SUMF1: variants seen among roughly 807,000 people sequenced by gnomAD.
The protein encoded by SUMF1 is formylglycine-generating enzyme.
In SUMF1, 48 loss-of-function variants were observed where a neutral mutation model predicts 47.6. That is an observed-to-expected ratio of 1.01 (90% CI 0.80 to 1.28). The LOEUF (loss-of-function observed/expected upper bound fraction) is 1.28. Ranked by LOEUF, SUMF1 falls within the 50% of genes most tolerant of loss-of-function variation. SUMF1 has a pLI of 0.00. For synonymous variants in SUMF1, 230 were observed against 192.1 expected (o/e 1.20, Z -1.63); for missense variants, 571 against 485.4 (o/e 1.18, Z -1.66).
At chr3:4,190,657 G>C (rs1283871597) in intron 8 of SUMF1, among the ~76,000 whole-genome samples, 1 of 152,104 alleles carries the variant, frequency 6.6e-6, no homozygotes, top group Non-Finnish European at 1.5e-5. Context: ...GGTTCAAAGA[G>C]ATTAAGGAAC....
chr3:4,253,713 T>A (rs540287415), intron 8 of SUMF1, among the ~76,000 whole-genome samples: 1 of 147,278 alleles, frequency 6.8e-6, no homozygotes, highest in East Asian at 2.0e-4. Context: ...CCAGGCTTGA[T>A]TAGGTAAACA....
At chr3:4,319,138 G>T (rs1698763757) in intron 8 of SUMF1, among the ~76,000 whole-genome samples, 1 of 152,200 alleles carries the variant, frequency 6.6e-6, no homozygotes, top group African/African-American at 2.4e-5. Flanking sequence ...GGAGCAACAG[G>T]AACTCTTCAT....
chr3:4,313,535 GAT>G, intron 8 of SUMF1: 2 of 1,614,010 alleles, frequency 1.2e-6, no homozygotes, highest in Non-Finnish European at 1.7e-6. Flanking sequence ...TATTCAGGAA[GAT>G]ATCTTAATCT....
intron 8 of SUMF1, among the ~76,000 whole-genome samples, chr3:4,288,673 C>T (rs946210619): frequency 4.6e-5 from 7 of 152,062 alleles, no homozygotes; most frequent in African/African-American, 7.2e-5. Flanking sequence ...TGGCATGCAC[C>T]TGTAATCCCA....
At chr3:4,311,766 T>C (rs1698414783) in intron 8 of SUMF1, among the ~76,000 whole-genome samples, 1 of 152,248 alleles carries the variant, frequency 6.6e-6, no homozygotes, top group Admixed American at 6.5e-5. Flanking sequence ...TACTTGTTCA[T>C]TTATCTTACC....
intron 8 of SUMF1, among the ~76,000 whole-genome samples, chr3:4,117,450 C>G (rs1369462981): frequency 2.0e-5 from 3 of 152,042 alleles, no homozygotes; most frequent in African/African-American, 7.3e-5. Context: ...TAAACAGGGA[C>G]TTAAGGGCAG....
chr3:4,243,181 CTA>C (rs1696583215), intron 8 of SUMF1, among the ~76,000 whole-genome samples: 1 of 152,056 alleles, frequency 6.6e-6, no homozygotes, highest in Non-Finnish European at 1.5e-5. Context: ...TGCTAGTGGT[CTA>C]TCTATTTTGT....
At chr3:4,373,029 C>T (rs1013458655) in intron 8 of SUMF1, among the ~76,000 whole-genome samples, 14 of 152,258 alleles carry the variant, frequency 9.2e-5, no homozygotes, top group African/African-American at 3.1e-4. Context: ...AAAATGTTAT[C>T]CCCATCACAT....
chr3:4,133,901 C>A (rs1026490641), intron 8 of SUMF1, among the ~76,000 whole-genome samples: 2 of 152,036 alleles, frequency 1.3e-5, no homozygotes, highest in South Asian at 2.1e-4. Flanking sequence ...TGGGAAGGAA[C>A]AGTATCATTA....
intron 4 of SUMF1, 24 bp from the exon 5 acceptor site, chr3:4,418,156 G>T: frequency 6.2e-7 from 1 of 1,613,830 alleles, no homozygotes; most frequent in South Asian, 1.1e-5. Flanking sequence ...AAAGTAGAAT[G>T]AAAAGTGACA....
intron 8 of SUMF1, among the ~76,000 whole-genome samples, chr3:4,081,168 G>T (rs1308535377): frequency 3.3e-5 from 5 of 152,086 alleles, no homozygotes; most frequent in Non-Finnish European, 7.4e-5. Context: ...GTTCAGAGAA[G>T]AGCTGTTGCC....
chr3:4,386,437 T>C (rs1700675701), intron 7 of SUMF1, among the ~76,000 whole-genome samples: 2 of 152,168 alleles, frequency 1.3e-5, no homozygotes, highest in Admixed American at 1.3e-4. Context: ...AAAATAAACA[T>C]GTTCATCTTG....
rs534110915 is a variant in SUMF1, at chr3:4,324,281, G to T, written c.1014+52049C>A. On this transcript the variant is annotated intron_variant and NMD_transcript_variant, in intron 8 of 12. Transcript: ENST00000448413. ...AAAGATGGCCTCATTTGGTATCATT[G>T]TTAATAGAATACCAACTATGTGAAA... 2.6e-5 allele frequency among the ~76,000 whole-genome samples: 4 copies of T among 152,176 alleles called. No individual in the cohort carries two copies. The South Asian group carries it at 8.3e-4, about 32-fold the overall frequency.
At chr3:4,443,761 T>C (rs1702685304) in intron 3 of SUMF1, among the ~76,000 whole-genome samples, 1 of 150,966 alleles carries the variant, frequency 6.6e-6, no homozygotes, top group Admixed American at 6.6e-5. Flanking sequence ...CAAGACCCCT[T>C]CTCAAAAAAA....
intron 8 of SUMF1, chr3:4,313,292 TACAA>T: frequency 6.2e-7 from 1 of 1,613,918 alleles, no homozygotes; most frequent in Non-Finnish European, 8.5e-7. Context: ...AGAATTCACT[TACAA>T]ACAAAATCCG....
Position 4,393,384 on chromosome 3 carries a change from A to G in SUMF1, c.955-16995T>C, listed in dbSNP as rs1825917. ...GTCTCCCTGTGTCACCCAGGCCACA[A>G]TGCAGTGGTGCAATCATAGCTCACC... On this transcript the variant is annotated intron_variant, in intron 7 of 8. Transcript: ENST00000272902. 5.9e-3 allele frequency among the ~76,000 whole-genome samples: 901 copies of G among 152,196 alleles called. 37 individuals carry two copies. Among genetic ancestry groups the G allele is most frequent in the Admixed American group, 0.053 (804 of 15,272 alleles).
chr3:4,137,915 A>T (rs1251311555), intron 8 of SUMF1, among the ~76,000 whole-genome samples: 1 of 47,950 alleles, frequency 2.1e-5, no homozygotes, highest in Non-Finnish European at 5.7e-5. Flanking sequence ...CACTAATAAT[A>T]CACACACACA....
intron 8 of SUMF1, among the ~76,000 whole-genome samples, chr3:4,154,535 G>A (rs78793194): frequency 0.032 from 4,918 of 151,500 alleles, 465 homozygotes; most frequent in African/African-American, 0.11. Context: ...TTTTATAGAT[G>A]AATAAATGAG....
intron 7 of SUMF1, among the ~76,000 whole-genome samples, chr3:4,395,546 G>C (rs1170816867): frequency 6.6e-6 from 1 of 152,096 alleles, no homozygotes; most frequent in African/African-American, 2.4e-5. Context: ...AGATCAAATT[G>C]GAAAGAAGAG....
Sources: gnomAD v4.1 joint callset for allele counts (sites outside exome capture counted in the v4.1 genomes callset) on GRCh38, gnomAD v4.1.1 for gene constraint, MANE v1.5 for transcripts, NCBI Gene and HGNC (gene_info 2026-07-23, HGNC 2026-07-21) for gene names.